SH3BP4: variants seen among roughly 807,000 people sequenced by gnomAD.
The protein encoded by SH3BP4 is SH3 domain-binding protein 4.
A neutral mutation model predicts 65.5 loss-of-function variants in SH3BP4; 33 were observed. The ratio of observed to expected loss-of-function variants is 0.50; its 90% confidence interval spans 0.38 to 0.67. The LOEUF (loss-of-function observed/expected upper bound fraction) is 0.67, where lower values mean the gene tolerates loss of function less well. Ranked by LOEUF, SH3BP4 falls within the 30% of genes least tolerant of loss-of-function variation. SH3BP4 has a pLI of 0.00. For missense variants in SH3BP4, 1,134 were observed against 1,261.4 expected (o/e 0.90, Z 1.53); for synonymous variants, 552 against 545.5 (o/e 1.01, Z -0.17).
intron 2 of SH3BP4, among the ~76,000 whole-genome samples, chr2:235,003,791 A>C (rs1275147290): frequency 2.6e-5 from 4 of 152,204 alleles, no homozygotes; most frequent in African/African-American, 9.7e-5. Flanking sequence ...GGGGGCTTGC[A>C]GTGTCTGTAT....
chr2:234,961,008 G>T (rs776593578), intron 1 of SH3BP4, among the ~76,000 whole-genome samples: 28 of 152,158 alleles, frequency 1.8e-4, no homozygotes, highest in Non-Finnish European at 4.1e-4. Context: ...GTTGGGACCT[G>T]GTTCATTGCG....
intron 1 of SH3BP4, among the ~76,000 whole-genome samples, chr2:234,988,666 A>C (rs1232370470): frequency 1.3e-5 from 2 of 152,134 alleles, no homozygotes; most frequent in African/African-American, 4.8e-5. Flanking sequence ...GGGCGTTCAG[A>C]GAAGGCAGCC....
chr2:235,047,390 C>T (rs752396446), intron 4 of SH3BP4, among the ~76,000 whole-genome samples: 7 of 152,198 alleles, frequency 4.6e-5, no homozygotes, highest in African/African-American at 1.2e-4. Context: ...ATGAAACCCT[C>T]GCTGTGCATC....
chr2:234,994,725 G>A (rs559646465), intron 1 of SH3BP4: 24 of 152,370 alleles, frequency 1.6e-4, no homozygotes, highest in African/African-American at 5.5e-4. Context: ...CAGGTGATGG[G>A]AGACTCATTG....
chr2:234,974,614 C>T lies in SH3BP4; in HGVS notation c.-206-20689C>T, dbSNP rs1198111511. Among the ~76,000 whole-genome samples the T allele has an allele frequency of 6.6e-6, 1 of 152,202 alleles. No individual in the cohort carries two copies. Among genetic ancestry groups the T allele is most frequent in the Non-Finnish European group, 1.5e-5 (1 of 68,028 alleles). On this transcript the variant is annotated intron_variant, in intron 1 of 5. Transcript: ENST00000392011. The surrounding 1 kb of genome is among the most constrained non-coding windows in gnomAD (Gnocchi z 4.6). The stretch of plus-strand genomic sequence containing the variant: ...GCCTTAGTGTTAGGCTGGCGCGGGC[C>T]TTCTGGTGCTCAGGGCCCCCGTTCC...
At position 235,025,409 on chromosome 2, in the gene SH3BP4, G is replaced by T. The variant is rs577425663; in HGVS notation, c.-132-9462G>T. The stretch of plus-strand genomic sequence containing the variant: ...TTGGTTTCATGTGTGTGTCTTTCCA[G>T]CTTAATGATAAGCAGCCGAGGGAAG... On this transcript the variant is annotated intron_variant, in intron 2 of 5. Coordinates refer to ENST00000392011, the MANE Select transcript of SH3BP4 (RefSeq NM_014521.3). 7.2e-5 allele frequency among the ~76,000 whole-genome samples: 11 copies of T among 152,242 alleles called. No homozygotes were observed. In the Middle Eastern group the frequency reaches 0.014, roughly 188 times the overall value.
At chr2:234,992,015 A>G (rs1240280268) in intron 1 of SH3BP4, among the ~76,000 whole-genome samples, 14 of 152,220 alleles carry the variant, frequency 9.2e-5, no homozygotes, top group Admixed American at 2.0e-4. Flanking sequence ...CAGGACCACA[A>G]GGCTGTTAAG....
chr2:235,049,870 G>A (rs1009685290), intron 4 of SH3BP4, among the ~76,000 whole-genome samples: 1 of 152,116 alleles, frequency 6.6e-6, no homozygotes, highest in Admixed American at 6.5e-5. Flanking sequence ...CCCGGGACAA[G>A]CCTGGGGTCT....
intron 2 of SH3BP4, among the ~76,000 whole-genome samples, chr2:235,007,156 T>C (rs926415178): frequency 1.3e-5 from 2 of 151,502 alleles, no homozygotes; most frequent in African/African-American, 4.9e-5. Context: ...GTGGAGGCAG[T>C]TGAGTGGGAG....
intron 1 of SH3BP4, among the ~76,000 whole-genome samples, chr2:234,971,056 TATC>T (rs1189991331): frequency 2.0e-5 from 3 of 152,178 alleles, no homozygotes; most frequent in Non-Finnish European, 4.4e-5. Context: ...ATATAAATGT[TATC>T]ATCCTAACCA....
At chr2:234,995,173 C>T (rs1693873484) in intron 1 of SH3BP4, 130 bp from the exon 2 acceptor site, 1 of 152,386 alleles carries the variant, frequency 6.6e-6, no homozygotes, top group African/African-American at 2.4e-5. Context: ...CCACCATCCT[C>T]ACCTGCTGTG....
Position 235,035,637 on chromosome 2 carries a change from A to T in SH3BP4, c.118+517A>T, listed in dbSNP as rs1407981105. 1.3e-5 allele frequency among the ~76,000 whole-genome samples: 2 copies of T among 152,182 alleles called. No individual in the cohort carries two copies. Among genetic ancestry groups the T allele is most frequent in the Admixed American group, 6.5e-5 (1 of 15,276 alleles). ...AAATAGCCAGAGTCGTGTTTCCAAG[A>T]CAACTTTTTTTTTGCAGACAGCCCC... On this transcript the variant is annotated intron_variant, in intron 3 of 5. Coordinates refer to ENST00000392011, the MANE Select transcript of SH3BP4 (RefSeq NM_014521.3). This position sits in a 1 kb window ranked among gnomAD's most constrained non-coding sequence, Gnocchi z 5.0.
At chr2:234,996,807 G>C (rs1417073717) in intron 2 of SH3BP4, among the ~76,000 whole-genome samples, 2 of 152,260 alleles carry the variant, frequency 1.3e-5, no homozygotes, top group African/African-American at 2.4e-5. Context: ...CCCCCACATG[G>C]ACTGGCCTCG....
At chr2:234,954,353 T>C (rs1183092104) in intron 1 of SH3BP4, among the ~76,000 whole-genome samples, 2 of 152,094 alleles carry the variant, frequency 1.3e-5, no homozygotes, top group African/African-American at 4.8e-5. Flanking sequence ...TAGAAGATCC[T>C]CTTTCTGTAA....
At chr2:234,984,288 G>A (rs916781192) in intron 1 of SH3BP4, among the ~76,000 whole-genome samples, 2 of 152,088 alleles carry the variant, frequency 1.3e-5, no homozygotes, top group African/African-American at 2.4e-5. Flanking sequence ...CTGCAACCTC[G>A]ACCTCTGGGC....
At chr2:235,014,807 A>T (rs1694636320) in intron 2 of SH3BP4, among the ~76,000 whole-genome samples, 1 of 152,190 alleles carries the variant, frequency 6.6e-6, no homozygotes, top group Non-Finnish European at 1.5e-5. Context: ...TCTTAACTTG[A>T]TCATCTGCAA....
intron 3 of SH3BP4, among the ~76,000 whole-genome samples, chr2:235,040,264 G>T (rs2106332107): frequency 6.6e-6 from 1 of 152,024 alleles, no homozygotes; most frequent in Admixed American, 6.6e-5. Flanking sequence ...AGTAAAATAA[G>T]AATAAAAGAG....
At chr2:235,038,321 AT>A (rs1267441937) in intron 3 of SH3BP4, among the ~76,000 whole-genome samples, 21 of 14,720 alleles carry the variant, frequency 1.4e-3, no homozygotes, top group African/African-American at 9.1e-3. Flanking sequence ...ATTATATATT[AT>A]ATATATATTA....
Position 235,042,737 on chromosome 2 carries a change from C to T in SH3BP4, c.1968C>T (p.Leu656=). ...TCCAGGACCGCCCGGTGTCCAGCCT[C>T]AAGTTTGGTAAGTTGCTCAAGACTG... ...PTFQDRPVSS[L]KFGKLLKTVV... Residue 656 remains leucine, a synonymous_variant, in exon 4 of 6, where the codon CTC becomes CTT. Transcript: ENST00000392011. The surrounding 1 kb of genome is among the most constrained non-coding windows in gnomAD (Gnocchi z 7.3). 2 of 1,614,074 alleles carry T rather than the reference C, an allele frequency of 1.2e-6. No individual in the cohort carries two copies. The highest frequency in any genetic ancestry group is 1.7e-6 in the Non-Finnish European group (2 of 1,180,054).
Sources: gnomAD v4.1 joint callset for allele counts (sites outside exome capture counted in the v4.1 genomes callset) on GRCh38, gnomAD v4.1.1 for gene constraint, Gnocchi (gnomAD v3.1) non-coding constraint, MANE v1.5 for transcripts, NCBI Gene and HGNC (gene_info 2026-07-23, HGNC 2026-07-21) for gene names.